PRKG1: variants seen among roughly 807,000 people sequenced by gnomAD.
PRKG1 encodes the protein protein kinase cGMP-dependent 1, also known as cGMP-dependent protein kinase 1.
Under a neutral mutation model 88.1 loss-of-function variants are expected in PRKG1, and 35 were observed. That is an observed-to-expected ratio of 0.40 (90% CI 0.30 to 0.53). The LOEUF (loss-of-function observed/expected upper bound fraction) is 0.53. PRKG1 is among the 20% of genes least tolerant of loss of function. The pLI is 0.59. For missense variants in PRKG1, 540 were observed against 839.8 expected (o/e 0.64, Z 4.41); for synonymous variants, 303 against 292.5 (o/e 1.04, Z -0.37).
intron 2 of PRKG1, among the ~76,000 whole-genome samples, chr10:51,304,202 A>G (rs1283090272): frequency 2.6e-5 from 4 of 152,196 alleles, no homozygotes; most frequent in African/African-American, 9.6e-5. Flanking sequence ...ACATTAAGAG[A>G]AATACACTAA....
intron 4 of PRKG1, among the ~76,000 whole-genome samples, chr10:51,809,537 G>A (rs963353593): frequency 1.3e-5 from 2 of 152,196 alleles, no homozygotes; most frequent in East Asian, 1.9e-4. Flanking sequence ...GCATTAGTAT[G>A]TAGCTGTGTG....
At chr10:51,879,507 C>T (rs1589382787) in intron 4 of PRKG1, among the ~76,000 whole-genome samples, 1 of 152,288 alleles carries the variant, frequency 6.6e-6, no homozygotes, top group African/African-American at 2.4e-5. Flanking sequence ...AGGGAATTGT[C>T]TGCAGACAAG....
At chr10:51,553,809 T>C (rs1442586815) in intron 3 of PRKG1, among the ~76,000 whole-genome samples, 5 of 116,998 alleles carry the variant, frequency 4.3e-5, no homozygotes, top group African/African-American at 1.5e-4. Flanking sequence ...ATAATATATG[T>C]ATGTATTAGA....
chr10:50,998,967 A>G (rs562167880), intron 1 of PRKG1, among the ~76,000 whole-genome samples: 3 of 152,322 alleles, frequency 2.0e-5, no homozygotes, highest in East Asian at 1.9e-4. Context: ...CTCACTAAAC[A>G]TTATTGATGG....
chr10:52,006,624 G>T (rs1844742923), intron 5 of PRKG1, among the ~76,000 whole-genome samples: 1 of 152,108 alleles, frequency 6.6e-6, no homozygotes, highest in South Asian at 2.1e-4. Flanking sequence ...AGAAATATGG[G>T]ATTACATATA....
intron 5 of PRKG1, among the ~76,000 whole-genome samples, chr10:52,000,603 C>T (rs1476696603): frequency 6.6e-6 from 1 of 152,028 alleles, no homozygotes; most frequent in East Asian, 1.9e-4. Flanking sequence ...AGCACCCTTT[C>T]AGAGATCTTA....
chr10:51,981,474 T>G (rs913773306), intron 5 of PRKG1, among the ~76,000 whole-genome samples: 1 of 152,026 alleles, frequency 6.6e-6, no homozygotes, highest in African/African-American at 2.4e-5. Context: ...TAATCTCAGC[T>G]ACTCAGGAGA....
At chr10:51,046,999 G>T (rs976563368) in intron 1 of PRKG1, among the ~76,000 whole-genome samples, 2 of 152,090 alleles carry the variant, frequency 1.3e-5, no homozygotes, top group African/African-American at 4.8e-5. Flanking sequence ...TGACATTTTT[G>T]ATAAAATGGA....
chr10:51,295,989 T>A (rs1171071982), intron 2 of PRKG1, among the ~76,000 whole-genome samples: 2 of 152,180 alleles, frequency 1.3e-5, no homozygotes, highest in Admixed American at 6.5e-5. Context: ...TTGATTTCCT[T>A]ATGTTGAGCC....
intron 9 of PRKG1, among the ~76,000 whole-genome samples, chr10:52,246,227 G>T (rs1841017585): frequency 6.6e-6 from 1 of 152,004 alleles, no homozygotes; most frequent in Non-Finnish European, 1.5e-5. Flanking sequence ...GAATAATAAG[G>T]GACACTTGAT....
intron 3 of PRKG1, among the ~76,000 whole-genome samples, chr10:51,770,418 T>TC (rs1380062659): frequency 2.0e-5 from 3 of 152,186 alleles, no homozygotes; most frequent in Non-Finnish European, 4.4e-5. Context: ...TTGATCTAGA[T>TC]CTGTTGTTTG....
chr10:52,258,816 T>C (rs1413813536), intron 10 of PRKG1, among the ~76,000 whole-genome samples: 2 of 152,094 alleles, frequency 1.3e-5, no homozygotes, highest in Non-Finnish European at 1.5e-5. Context: ...GAAATGTTCT[T>C]AGTATTTCAT....
At chr10:52,122,912 T>C (rs1847852773) in intron 7 of PRKG1, among the ~76,000 whole-genome samples, 2 of 152,228 alleles carry the variant, frequency 1.3e-5, no homozygotes, top group African/African-American at 4.8e-5. Flanking sequence ...GATTCTCAGT[T>C]CCACTGATAA....
chr10:51,434,777 A>G (rs1424778965), intron 2 of PRKG1, among the ~76,000 whole-genome samples: 2 of 152,084 alleles, frequency 1.3e-5, no homozygotes, highest in Non-Finnish European at 2.9e-5. Context: ...ACAGATTCTA[A>G]TTTTCTGATG....
intron 6 of PRKG1, 40 bp downstream of exon 6, chr10:52,054,601 G>C: frequency 6.3e-7 from 1 of 1,578,974 alleles, no homozygotes; most frequent in Non-Finnish European, 8.7e-7. Context: ...CACTAGGGGA[G>C]CCTGGGGTTG....
chr10:51,924,927 C>T (rs767482904), intron 5 of PRKG1, among the ~76,000 whole-genome samples: 10 of 149,274 alleles, frequency 6.7e-5, no homozygotes, highest in African/African-American at 1.8e-4. Context: ...GCTTATATTA[C>T]TCACCTGTTC....
intron 9 of PRKG1, among the ~76,000 whole-genome samples, chr10:52,188,055 A>T (rs1242383013): frequency 6.6e-6 from 1 of 151,958 alleles, no homozygotes; most frequent in South Asian, 2.1e-4. Context: ...GTTACAAACC[A>T]CTAGGGAGTC....
At chr10:51,843,525 A>G (rs1284533195) in intron 4 of PRKG1, among the ~76,000 whole-genome samples, 3 of 152,294 alleles carry the variant, frequency 2.0e-5, no homozygotes, top group East Asian at 3.9e-4. Flanking sequence ...TGGAGGAAAA[A>G]GGCAGGTCAA....
chr10:51,571,473 C>G (rs1445360506), intron 3 of PRKG1, among the ~76,000 whole-genome samples: 1 of 151,710 alleles, frequency 6.6e-6, no homozygotes, highest in Non-Finnish European at 1.5e-5. Flanking sequence ...GTTATATAAA[C>G]ATAAAGTGAT....
Sources: allele counts gnomAD v4.1 joint callset (sites outside exome capture counted in the v4.1 genomes callset), GRCh38; gene constraint gnomAD v4.1.1; transcripts MANE v1.5; gene names NCBI Gene and HGNC (gene_info 2026-07-23, HGNC 2026-07-21).